The following SGCD variants were observed in gnomAD, a reference collection of about 807,000 sequenced individuals.
SGCD encodes the protein delta-sarcoglycan.
A neutral mutation model predicts 36.6 loss-of-function variants in SGCD; 18 were observed. The observed-to-expected ratio is 0.49, with a 90% CI of 0.34 to 0.73. The LOEUF (loss-of-function observed/expected upper bound fraction) is 0.73. Ranked by LOEUF, SGCD falls within the 30% of genes least tolerant of loss-of-function variation. SGCD has a pLI of 0.01. For missense variants in SGCD, 387 were observed against 346.7 expected (o/e 1.12, Z -0.92); for synonymous variants, 133 against 130.6 (o/e 1.02, Z -0.12).
intron 7 of SGCD, among the ~76,000 whole-genome samples, chr5:156,654,596 A>C (rs74811285): frequency 0.018 from 2,679 of 152,224 alleles, 34 homozygotes; most frequent in Non-Finnish European, 0.029. Context: ...TAAATTTAAA[A>C]TAGCAAGCCA....
intron 3 of SGCD, among the ~76,000 whole-genome samples, chr5:156,428,109 G>A (rs1456626635): frequency 1.3e-5 from 2 of 152,110 alleles, no homozygotes; most frequent in Admixed American, 6.5e-5. Context: ...CAATAGGATT[G>A]GTACCAATTC....
the SGCD span, among the ~76,000 whole-genome samples, chr5:155,789,660 T>C: frequency 6.6e-6 from 1 of 152,258 alleles, no homozygotes; most frequent in Non-Finnish European, 1.5e-5. Context: ...CTTAAAGTTA[T>C]ACAAATAGTG....
Position 156,317,524 on chromosome 5 carries a change from G to A in SGCD, c.-43-12010G>A, listed in dbSNP as rs576607159. On this transcript the variant is annotated intron_variant, in intron 3 of 9. Transcript: ENST00000517913. Reference sequence around the variant, plus strand: ...ACAGTTTTCCATAACTGAAGGTTAAGAATACCTTCAGGTTAATGGTGTTAA... The same window carrying A: ...ACAGTTTTCCATAACTGAAGGTTAAAAATACCTTCAGGTTAATGGTGTTAA... 2.0e-5 allele frequency among the ~76,000 whole-genome samples: 3 copies of A among 152,254 alleles called. No homozygotes were observed. In the East Asian group the frequency reaches 5.8e-4, roughly 29 times the overall value.
the SGCD span, among the ~76,000 whole-genome samples, chr5:155,742,601 G>A: frequency 6.6e-6 from 1 of 152,206 alleles, no homozygotes; most frequent in East Asian, 1.9e-4. Context: ...GACGTTACAA[G>A]CCTCAACGTA....
At chr5:156,432,762 G>A (rs1295987075) in intron 3 of SGCD, among the ~76,000 whole-genome samples, 3 of 152,160 alleles carry the variant, frequency 2.0e-5, no homozygotes, top group Non-Finnish European at 4.4e-5. Context: ...GGCTGTGATA[G>A]GTCCCACCTA....
At chr5:156,656,125 T>C (rs1763664805) in intron 7 of SGCD, among the ~76,000 whole-genome samples, 1 of 152,126 alleles carries the variant, frequency 6.6e-6, no homozygotes, top group Admixed American at 6.5e-5. Flanking sequence ...CCATGAAATA[T>C]CAAGTCAAAA....
chr5:156,743,972 C>A (rs1020049809), intron 7 of SGCD, among the ~76,000 whole-genome samples: 1 of 152,156 alleles, frequency 6.6e-6, no homozygotes. Context: ...CAAGTTGAAA[C>A]TGGTTGAAAT....
At chr5:156,167,831 A>C (rs1414169643) in intron 3 of SGCD, among the ~76,000 whole-genome samples, 1 of 152,214 alleles carries the variant, frequency 6.6e-6, no homozygotes, top group Non-Finnish European at 1.5e-5. Flanking sequence ...GAGCCAAGTA[A>C]ACCTCTTTTC....
At chr5:156,382,088 C>A (rs1295795548) in intron 3 of SGCD, among the ~76,000 whole-genome samples, 1 of 151,988 alleles carries the variant, frequency 6.6e-6, no homozygotes, top group African/African-American at 2.4e-5. Flanking sequence ...ACCAAAGGCC[C>A]AGGAATGTTA....
chr5:156,283,398 G>T (rs1385141755), intron 3 of SGCD, among the ~76,000 whole-genome samples: 1 of 152,134 alleles, frequency 6.6e-6, no homozygotes, highest in Non-Finnish European at 1.5e-5. Context: ...CCATATTTCT[G>T]CTGGTCTCCT....
Position 155,961,969 on chromosome 5 carries a change from T to A in SGCD, c.-282+91545T>A, listed in dbSNP as rs74422875. 2.7e-3 allele frequency among the ~76,000 whole-genome samples: 411 copies of A among 152,234 alleles called. 3 individuals carry two copies. Among genetic ancestry groups the A allele is most frequent in the African/African-American group, 9.1e-3 (378 of 41,564 alleles). On this transcript the variant is annotated intron_variant, in intron 1 of 9. Transcript: ENST00000517913. ...TAATTACGGTCTGAAGACTTTCTAA[T>A]TAATTATACTAATGATAACTACAAA... is the stretch of plus-strand genomic sequence containing the variant.
At chr5:156,463,309 T>G (rs1408808338) in intron 3 of SGCD, among the ~76,000 whole-genome samples, 13 of 152,132 alleles carry the variant, frequency 8.5e-5, no homozygotes, top group Admixed American at 2.0e-4. Context: ...CCCCAAGTGC[T>G]GGGATTACAG....
chr5:156,289,227 C>T (rs1262460292), intron 3 of SGCD, among the ~76,000 whole-genome samples: 1 of 151,978 alleles, frequency 6.6e-6, no homozygotes, highest in African/African-American at 2.4e-5. Flanking sequence ...CATTAAGGAT[C>T]CTATTTAACA....
At chr5:156,302,594 G>A (rs1429301704) in intron 3 of SGCD, among the ~76,000 whole-genome samples, 1 of 152,022 alleles carries the variant, frequency 6.6e-6, no homozygotes, top group Non-Finnish European at 1.5e-5. Flanking sequence ...TGATATTTGT[G>A]CATTAAATAT....
intron 1 of SGCD, among the ~76,000 whole-genome samples, chr5:155,874,965 A>G (rs898459760): frequency 6.6e-6 from 1 of 151,778 alleles, no homozygotes; most frequent in African/African-American, 2.4e-5. Flanking sequence ...CTGTAGATGA[A>G]TATTCACTGC....
chr5:156,742,141 G>T (rs1041290864), intron 7 of SGCD, among the ~76,000 whole-genome samples: 2 of 152,164 alleles, frequency 1.3e-5, no homozygotes, highest in Non-Finnish European at 2.9e-5. Context: ...CTCCCAAAGT[G>T]CTGGGATTAC....
At chr5:155,820,038 C>A in the SGCD span, among the ~76,000 whole-genome samples, 2 of 152,084 alleles carry the variant, frequency 1.3e-5, no homozygotes, top group Non-Finnish European at 2.9e-5. Flanking sequence ...TTATTTGGAG[C>A]TCTTAGTATA....
the SGCD span, among the ~76,000 whole-genome samples, chr5:155,727,854 C>T: frequency 6.6e-6 from 1 of 152,194 alleles, no homozygotes; most frequent in African/African-American, 2.4e-5. Flanking sequence ...CGCTGGGAAT[C>T]CGCACACTCC....
chr5:156,048,371 A>G (rs553275074), intron 1 of SGCD, among the ~76,000 whole-genome samples: 73 of 152,244 alleles, frequency 4.8e-4, no homozygotes, highest in South Asian at 1.9e-3. Context: ...TGGTATTTCT[A>G]GTTCTAGATC....
Sources: gnomAD v4.1 joint callset for allele counts (sites outside exome capture counted in the v4.1 genomes callset) on GRCh38, gnomAD v4.1.1 for gene constraint, MANE v1.5 for transcripts, NCBI Gene and HGNC (gene_info 2026-07-23, HGNC 2026-07-21) for gene names.